The following ARHGEF1 variants were observed in gnomAD, a reference collection of about 807,000 sequenced individuals.
ARHGEF1 encodes the protein 115 kDa guanine nucleotide exchange factor.
Under a neutral mutation model 119.7 loss-of-function variants are expected in ARHGEF1, and 40 were observed. The observed-to-expected ratio is 0.33, with a 90% CI of 0.26 to 0.44. The LOEUF (loss-of-function observed/expected upper bound fraction) is 0.44, where lower values mean the gene tolerates loss of function less well. Among genes scored for constraint, ARHGEF1 ranks in the 20% least tolerant of loss-of-function variants. The pLI, the probability that ARHGEF1 is intolerant of heterozygous loss-of-function variation, is 1.00. For synonymous variants in ARHGEF1, 494 were observed against 521.0 expected (o/e 0.95, Z 0.71); for missense variants, 976 against 1,268.3 (o/e 0.77, Z 3.50).
intron 18 of ARHGEF1, chr19:41,912,878 G>A (rs1394493471): frequency 3.2e-6 from 4 of 1,231,084 alleles, no homozygotes; most frequent in South Asian, 4.1e-5. Flanking sequence ...CCGGCAGGGC[G>A]GGCGGGGCGA....
intron 4 of ARHGEF1, 143 bp from the exon 5 acceptor site, chr19:41,891,882 T>G (rs1600649976): frequency 1.6e-6 from 1 of 641,508 alleles, no homozygotes; most frequent in Non-Finnish European, 2.6e-6. Flanking sequence ...GGGGTGGAGG[T>G]CAGGGAGTGC....
intron 18 of ARHGEF1, among the ~76,000 whole-genome samples, chr19:41,915,866 G>A (rs377441478): frequency 2.7e-4 from 41 of 152,312 alleles, no homozygotes; most frequent in South Asian, 8.3e-4. Flanking sequence ...CTGGCAGGAC[G>A]GCCGGACAGA....
chr19:41,888,721 C>A lies in ARHGEF1; in HGVS notation c.112-31C>A, dbSNP rs782445137. 1.2e-6 allele frequency: 2 copies of A among 1,600,228 alleles called. No individual in the cohort carries two copies. Among genetic ancestry groups the A allele is most frequent in the South Asian group, 1.1e-5 (1 of 90,712 alleles). On this transcript the variant is annotated intron_variant, in intron 3 of 28. Transcript: ENST00000354532. The surrounding 1 kb of genome is among the most constrained non-coding windows in gnomAD (Gnocchi z 5.1). Reference sequence around the variant, plus strand: ...AACCCTAAGGCCCCTCCTCTTCTCCCCATTGTACTCACCCCTTCCTGCACC... The same window carrying A: ...AACCCTAAGGCCCCTCCTCTTCTCCACATTGTACTCACCCCTTCCTGCACC...
At chr19:41,896,743 C>T in intron 13 of ARHGEF1, 1 of 634,048 alleles carries the variant, frequency 1.6e-6, no homozygotes, top group South Asian at 1.5e-5. Context: ...ACTAATCCTT[C>T]TCCTCCTCCC....
At chr19:41,911,927 C>A (rs780232180), downstream of ARHGEF1, among the ~76,000 whole-genome samples, 2 of 151,926 alleles carry the variant, frequency 1.3e-5, no homozygotes, top group East Asian at 1.9e-4. Flanking sequence ...ATGGACCCTA[C>A]GCTGAAAACC....
At position 41,917,219 on chromosome 19, in the gene ARHGEF1, A is replaced by G. The variant is rs1490166577; in HGVS notation, c.1866-5873A>G. Among the ~76,000 whole-genome samples, 3 of 151,658 alleles carry G rather than the reference A, an allele frequency of 2.0e-5. No individual in the cohort carries two copies. The highest frequency in any genetic ancestry group is 7.3e-5 in the African/African-American group (3 of 41,220). ...TCTTGGCCTGCCTGTCTTTCTAAATATCTCCATCTCTGAGTGTCTCTGTTT... is the reference window on the plus strand; with the variant it reads ...TCTTGGCCTGCCTGTCTTTCTAAATGTCTCCATCTCTGAGTGTCTCTGTTT... On this transcript the variant is annotated intron_variant, in intron 18 of 20. Transcript: ENST00000599589. This position sits in a 1 kb window ranked among gnomAD's most constrained non-coding sequence, Gnocchi z 4.8.
chr19:41,885,937 G>C (rs1293882949), intron 1 of ARHGEF1, among the ~76,000 whole-genome samples: 2 of 151,864 alleles, frequency 1.3e-5, no homozygotes, highest in Non-Finnish European at 2.9e-5. Context: ...AGAGATGGGG[G>C]TTTCACCATG....
rs181061311 is a variant in ARHGEF1, at chr19:41,896,619, G to C, written c.1121+137G>C. 3.1e-3 allele frequency: 2,277 copies of C among 744,356 alleles called. 20 individuals carry two copies. The highest frequency in any genetic ancestry group is 0.017 in the African/African-American group (981 of 57,844). 46.1% of individuals were successfully genotyped at this position (744,356 alleles called of 1,614,324 possible). On this transcript the variant is annotated intron_variant, in intron 13 of 28. Coordinates refer to ENST00000354532, the MANE Select transcript of ARHGEF1 (RefSeq NM_004706.4). ...TGCTCCTCTGCTGCTCTCTGGGTCTGGCCATTCCTCTCCCTTCTTCTTTCC... is the reference window on the plus strand; with the variant it reads ...TGCTCCTCTGCTGCTCTCTGGGTCTCGCCATTCCTCTCCCTTCTTCTTTCC...
At position 41,894,610 on chromosome 19, in the gene ARHGEF1, TTCTC is replaced by T. The variant is rs1555847124; in HGVS notation, c.842-11_842-8del. Reference sequence around the variant, plus strand: ...CCAGCTGCTCCCACTCACTGTCTCATTCTCTCTCGTTTCAGTTCCAGATTTTCGA... The same window carrying T: ...CCAGCTGCTCCCACTCACTGTCTCATTCTCGTTTCAGTTCCAGATTTTCGA... On this transcript the variant is annotated splice_polypyrimidine_tract_variant and intron_variant, in intron 10 of 28. Transcript: ENST00000354532. 5.0e-6 allele frequency: 8 copies of T among 1,614,032 alleles called. No homozygotes were observed. The highest frequency in any genetic ancestry group is 6.8e-6 in the Non-Finnish European group (8 of 1,179,920).
rs191166480 is a variant in ARHGEF1 at position 41,898,477 on chromosome 19, C to T, written c.1157C>T (p.Ser386Leu). The part of the protein sequence containing the change: ...EPGDEGEPGR[S>L]GLELEPEEPP... ...GGAGATGAGGGGGAGCCGGGGCGGTCGGGACTGGAGCTTGAACCAGAAGAG... is the reference window on the plus strand; with the variant it reads ...GGAGATGAGGGGGAGCCGGGGCGGTTGGGACTGGAGCTTGAACCAGAAGAG... The change falls in exon 14 of 29, where the codon TCG (serine) becomes TTG (leucine). Residue 386 changes from serine to leucine, a missense_variant. By Grantham distance (145) the Ser-to-Leu change is moderately radical. Transcript: ENST00000354532. 238 of 1,549,248 alleles carry T rather than the reference C, an allele frequency of 1.5e-4. 1 individual carries two copies. Among genetic ancestry groups the T allele is most frequent in the Admixed American group, 3.5e-4 (18 of 50,760 alleles).
chr19:41,907,841 G>GCCTATA (rs2074725518), downstream of ARHGEF1: 1 of 183,950 alleles, frequency 5.4e-6, no homozygotes, highest in Non-Finnish European at 9.8e-6. Context: ...CCTGTCCCCA[G>GCCTATA]GGGGGCCTAT....
chr19:41,909,796 A>G, downstream of ARHGEF1: 1 of 1,466,656 alleles, frequency 6.8e-7, no homozygotes, highest in Admixed American at 2.1e-5. This position sits in a 1 kb window ranked among gnomAD's most constrained non-coding sequence, Gnocchi z 5.2. Context: ...CAGGATGCAG[A>G]GGGGGCACCA....
At chr19:41,925,589 A>C (rs2074866723) in intron 1 of ARHGEF1, among the ~76,000 whole-genome samples, 1 of 152,074 alleles carries the variant, frequency 6.6e-6, no homozygotes, top group South Asian at 2.1e-4. Flanking sequence ...TGGCAGGGAA[A>C]GCCATGAGGA....
At chr19:41,923,737 G>A (rs1220293704) in intron 1 of ARHGEF1, among the ~76,000 whole-genome samples, 1 of 17,196 alleles carries the variant, frequency 5.8e-5, no homozygotes, top group South Asian at 1.2e-3. Context: ...CTGGGGAGGC[G>A]GAGGTGTGCT....
chr19:41,884,405 G>A, intron 1 of ARHGEF1: 8 of 1,595,002 alleles, frequency 5.0e-6, no homozygotes, highest in Non-Finnish European at 5.1e-6. Context: ...CTAGAGCGAC[G>A]CGGCGGCAGG....
downstream of ARHGEF1, chr19:41,908,552 G>T: frequency 8.1e-7 from 1 of 1,231,804 alleles, no homozygotes; most frequent in Non-Finnish European, 1.0e-6. The surrounding 1 kb of genome is among the most constrained non-coding windows in gnomAD (Gnocchi z 6.7). Context: ...AATGCGGGGG[G>T]TAGAGAGAGG....
At chr19:41,918,616 ACAC>A (rs200665040), upstream of ARHGEF1, among the ~76,000 whole-genome samples, 3,877 of 146,722 alleles carry the variant, frequency 0.026, 178 homozygotes, top group African/African-American at 0.093. Flanking sequence ...CAAACCACAC[ACAC>A]CACATCACTA....
chr19:41,883,994 A>G lies in ARHGEF1; in HGVS notation c.-20+705A>G, dbSNP rs1254576826. Among the ~76,000 whole-genome samples the G allele has an allele frequency of 6.6e-6, 1 of 152,062 alleles. No individual in the cohort carries two copies. The highest frequency in any genetic ancestry group is 1.5e-5 in the Non-Finnish European group (1 of 68,004). On this transcript the variant is annotated intron_variant, in intron 1 of 28. Transcript: ENST00000354532. This position sits in a 1 kb window ranked among gnomAD's most constrained non-coding sequence, Gnocchi z 7.6. ...CTATTGCTTTTCCGGTTCCAAAGGAAGGGGCTGGGGGTGGGAGACGGAGGG... is the reference window on the plus strand; with the variant it reads ...CTATTGCTTTTCCGGTTCCAAAGGAGGGGGCTGGGGGTGGGAGACGGAGGG...
At chr19:41,898,799 C>T (rs1555848512) in intron 14 of ARHGEF1, among the ~76,000 whole-genome samples, 1 of 152,198 alleles carries the variant, frequency 6.6e-6, no homozygotes, top group African/African-American at 2.4e-5. Flanking sequence ...GGGACATTTC[C>T]AAACATTTCT....
Sources: allele counts gnomAD v4.1 joint callset (sites outside exome capture counted in the v4.1 genomes callset), GRCh38; gene constraint gnomAD v4.1.1; non-coding constraint Gnocchi (gnomAD v3.1); transcripts MANE v1.5; gene names NCBI Gene and HGNC (gene_info 2026-07-23, HGNC 2026-07-21).